The following CC2D2A variants were observed in gnomAD, a reference collection of about 807,000 sequenced individuals.
CC2D2A encodes coiled-coil and C2 domain-containing protein 2A.
Under a neutral mutation model 212.9 loss-of-function variants are expected in CC2D2A, and 155 were observed. The ratio of observed to expected loss-of-function variants is 0.73; its 90% confidence interval spans 0.64 to 0.83. CC2D2A has a LOEUF of 0.83. Among genes scored for constraint, CC2D2A ranks in the 40% least tolerant of loss-of-function variants. The pLI, the probability that CC2D2A is intolerant of heterozygous loss-of-function variation, is 0.00. For missense variants in CC2D2A, 1,856 were observed against 1,956.2 expected, an observed-to-expected ratio of 0.95 and a Z score of 0.97; for synonymous variants, 667 against 686.5, an observed-to-expected ratio of 0.97 and a Z score of 0.44.
Position 15,597,454 on chromosome 4 carries a change from G to A in CC2D2A, c.4485G>A (p.Glu1495=). ...GCTCAGACAAAGCAGCTGCAGCTGA[G>A]CTACAAGACAGGTAACATAACATCC... is the stretch of plus-strand genomic sequence containing the variant. ...YQRSDKAAAA[E]LQDRIEKILK... The change falls in exon 35 of 37, where the codon GAG becomes GAA. Residue 1495 remains glutamate (E), a synonymous_variant. Transcript: ENST00000424120. 6.4e-7 allele frequency: 1 copy of A among 1,553,422 alleles called. No homozygotes were observed. Among genetic ancestry groups the A allele is most frequent in the South Asian group, 1.2e-5 (1 of 84,192 alleles).
chr4:15,600,991 T>C (rs922107894), intron 36 of CC2D2A, among the ~76,000 whole-genome samples: 2 of 151,918 alleles, frequency 1.3e-5, no homozygotes, highest in Non-Finnish European at 2.9e-5. Flanking sequence ...GCATACTAGG[T>C]ACTTTCAAAA....
chr4:15,555,266 C>T, intron 20 of CC2D2A, 56 bp downstream of exon 20: 1 of 1,585,598 alleles, frequency 6.3e-7, no homozygotes, highest in East Asian at 2.2e-5. Flanking sequence ...ACACAATTTT[C>T]CTTTACACTA....
chr4:15,471,109 C>A (rs558678953), intron 1 of CC2D2A, among the ~76,000 whole-genome samples: 1 of 152,066 alleles, frequency 6.6e-6, no homozygotes, highest in African/African-American at 2.4e-5. Flanking sequence ...TGGTCACTAA[C>A]CTTATGCTAA....
At chr4:15,550,061 T>A (rs565900363) in intron 17 of CC2D2A, among the ~76,000 whole-genome samples, 1 of 152,354 alleles carries the variant, frequency 6.6e-6, no homozygotes, top group East Asian at 1.9e-4. Flanking sequence ...AACTGTGGAA[T>A]ATTATGTCAT....
intron 4 of CC2D2A, among the ~76,000 whole-genome samples, chr4:15,483,959 C>G (rs1446174449): frequency 6.6e-6 from 1 of 152,202 alleles, no homozygotes; most frequent in Non-Finnish European, 1.5e-5. Flanking sequence ...CTCCCTTGGG[C>G]AAGTTCTCCG....
chr4:15,478,922 T>A, intron 3 of CC2D2A, 116 bp downstream of exon 3: 1 of 863,956 alleles, frequency 1.2e-6, no homozygotes. Flanking sequence ...TACCAACTTT[T>A]GGCCTGCTCT....
At chr4:15,478,636 G>A (rs1714399449) in intron 2 of CC2D2A, 87 bp from the exon 3 acceptor site, 2 of 956,500 alleles carry the variant, frequency 2.1e-6, no homozygotes, top group African/African-American at 3.3e-5. Context: ...GAAGCCCAGG[G>A]TCAAGATGGG....
At position 15,568,180 on chromosome 4, in the gene CC2D2A, T is replaced by C. The variant is rs146897806; in HGVS notation, c.3398+394T>C. On this transcript the variant is annotated intron_variant, in intron 26 of 36. Coordinates refer to ENST00000424120, the MANE Select transcript of CC2D2A (RefSeq NM_001378615.1). The stretch of plus-strand genomic sequence containing the variant: ...TACTTTCTTCCTCACCAGAAATAAA[T>C]AGGCATTTCAGAAGTTTGGTCAAAG... Among the ~76,000 whole-genome samples, 437 of 152,342 alleles carry C rather than the reference T, an allele frequency of 2.9e-3. 6 individuals carry two copies. The highest frequency in any genetic ancestry group is 0.01 in the African/African-American group (419 of 41,578).
chr4:15,471,211 G>A lies in CC2D2A; in HGVS notation c.-19+1154G>A, dbSNP rs1057423058. On this transcript the variant is annotated intron_variant, in intron 1 of 36. Coordinates refer to ENST00000424120, the MANE Select transcript of CC2D2A (RefSeq NM_001378615.1). ...TCCCCAGGTGTCCAAGCTCCAGGAG[G>A]GAACAGAAAAATGTTCTCAGGGTGT... is the stretch of plus-strand genomic sequence containing the variant. Among the ~76,000 whole-genome samples the A allele has an allele frequency of 1.2e-4, 18 of 152,114 alleles. 1 individual carries two copies. The South Asian group carries it at 1.2e-3, about 11-fold the overall frequency.
chr4:15,525,216 C>T (rs567323673), intron 11 of CC2D2A, among the ~76,000 whole-genome samples: 11 of 152,266 alleles, frequency 7.2e-5, no homozygotes, highest in African/African-American at 2.2e-4. Context: ...ACTCTACCCA[C>T]GTTATTTACT....
intron 29 of CC2D2A, among the ~76,000 whole-genome samples, chr4:15,578,799 TG>T (rs200843565): frequency 0.013 from 1,417 of 109,064 alleles, 29 homozygotes; most frequent in African/African-American, 0.043. Flanking sequence ...TTTGTTTGTT[TG>T]TTTGTTTGTT....
chr4:15,598,402 T>C (rs1465252703), intron 35 of CC2D2A, among the ~76,000 whole-genome samples: 1 of 152,218 alleles, frequency 6.6e-6, no homozygotes, highest in Non-Finnish European at 1.5e-5. Flanking sequence ...AGGGTTTCAA[T>C]TTGAATCCAA....
At chr4:15,513,508 T>A (rs751876059) in intron 8 of CC2D2A, among the ~76,000 whole-genome samples, 2 of 152,252 alleles carry the variant, frequency 1.3e-5, no homozygotes, top group Non-Finnish European at 2.9e-5. Context: ...CCAGAAGCTC[T>A]GTTCCTAAAA....
Position 15,516,765 on chromosome 4 carries a change from T to G in CC2D2A, c.1149+9T>G. On this transcript the variant is annotated intron_variant, in intron 11 of 36. Coordinates refer to ENST00000424120, the MANE Select transcript of CC2D2A (RefSeq NM_001378615.1). Reference sequence around the variant, plus strand: ...AAACACTGTATAAAAAGGTAGACACTCCCCTCTCTCCACTTTTATTAAATG... The same window carrying G: ...AAACACTGTATAAAAAGGTAGACACGCCCCTCTCTCCACTTTTATTAAATG... 6.2e-7 allele frequency: 1 copy of G among 1,607,094 alleles called. No homozygotes were observed. The highest frequency in any genetic ancestry group is 1.1e-5 in the South Asian group (1 of 89,426).
chr4:15,475,911 T>C lies in CC2D2A; in HGVS notation c.-18-4T>C. On this transcript the variant is annotated splice_polypyrimidine_tract_variant and splice_region_variant and intron_variant, in intron 1 of 36. Transcript: ENST00000424120. Reference sequence around the variant, plus strand: ...TGCCTGACTTCTTCATTGTTCTTTGTCAGGGACCCATCCCAGCCAAAATGA... The same window carrying C: ...TGCCTGACTTCTTCATTGTTCTTTGCCAGGGACCCATCCCAGCCAAAATGA... The C allele has an allele frequency of 6.3e-7, 1 of 1,576,306 alleles. No individual in the cohort carries two copies. The highest frequency in any genetic ancestry group is 8.6e-7 in the Non-Finnish European group (1 of 1,159,386).
chr4:15,553,933 G>A (rs1460957745), intron 19 of CC2D2A, among the ~76,000 whole-genome samples: 2 of 152,118 alleles, frequency 1.3e-5, no homozygotes, highest in African/African-American at 4.8e-5. Flanking sequence ...GGCCTCAGTT[G>A]CCTCATCTCT....
intron 13 of CC2D2A, among the ~76,000 whole-genome samples, chr4:15,532,410 T>C (rs992357327): frequency 6.6e-6 from 1 of 152,184 alleles, no homozygotes; most frequent in Non-Finnish European, 1.5e-5. Context: ...TGTGAAATGC[T>C]ACATCCTTGG....
chr4:15,570,278 G>A, intron 27 of CC2D2A, 120 bp from the exon 28 acceptor site: 1 of 572,586 alleles, frequency 1.7e-6, no homozygotes, highest in Non-Finnish European at 3.1e-6. Flanking sequence ...AATTTGATTA[G>A]GTCTATCTAA....
At chr4:15,595,000 A>C in intron 33 of CC2D2A, among the ~76,000 whole-genome samples, 1 of 151,870 alleles carries the variant, frequency 6.6e-6, no homozygotes, top group East Asian at 1.9e-4. Context: ...TTTTTAAGAG[A>C]TGGGGGGTCT....
Sources: allele counts gnomAD v4.1 joint callset (sites outside exome capture counted in the v4.1 genomes callset), GRCh38; gene constraint gnomAD v4.1.1; transcripts MANE v1.5; gene names NCBI Gene and HGNC (gene_info 2026-07-23, HGNC 2026-07-21).